The following ZRANB3 variants were observed in gnomAD, a reference collection of about 807,000 sequenced individuals.
The protein encoded by ZRANB3 is DNA annealing helicase and endonuclease ZRANB3.
In ZRANB3, 125 loss-of-function variants were observed where a neutral mutation model predicts 133.8. The ratio of observed to expected loss-of-function variants is 0.93; its 90% CI spans 0.81 to 1.08. The LOEUF (loss-of-function observed/expected upper bound fraction) is 1.08. Among genes scored for constraint, ZRANB3 ranks in the 50% least tolerant of loss-of-function variants. The probability of loss-of-function intolerance (pLI) is 0.00; values close to 1 mark genes in which losing one functional copy is unlikely to be tolerated. For missense variants in ZRANB3, 1,229 were observed against 1,275.5 expected, an observed-to-expected ratio of 0.96 and a Z score of 0.56; for synonymous variants, 387 against 432.7, an observed-to-expected ratio of 0.89 and a Z score of 1.31.
chr2:135,515,988 A>G (rs1036437513), intron 1 of ZRANB3, among the ~76,000 whole-genome samples: 17 of 152,280 alleles, frequency 1.1e-4, no homozygotes, highest in African/African-American at 3.4e-4. Context: ...TATATTTAAA[A>G]CAGTTAGCTC....
At chr2:135,310,110 T>C (rs1302461362) in intron 8 of ZRANB3, among the ~76,000 whole-genome samples, 1 of 152,176 alleles carries the variant, frequency 6.6e-6, no homozygotes, top group African/African-American at 2.4e-5. Flanking sequence ...CTAATTTTTG[T>C]ATTTTTAGTA....
At chr2:135,511,708 T>C (rs1693463074) in intron 1 of ZRANB3, 6 of 766,134 alleles carry the variant, frequency 7.8e-6, no homozygotes, top group Admixed American at 1.7e-5. Flanking sequence ...AGCATCAACA[T>C]GGAGAATCTT....
Position 135,472,559 on chromosome 2 carries a change from C to T in ZRANB3, c.161+31770G>A, listed in dbSNP as rs377580980. On this transcript the variant is annotated intron_variant, in intron 2 of 20. Transcript: ENST00000264159. ...ACAAGCTTGGGATTATTTTGGGATG[C>T]TTGCATTGTCACTATTTGACTTTTT... is the stretch of plus-strand genomic sequence containing the variant. Among the ~76,000 whole-genome samples, 8 of 150,784 alleles carry T rather than the reference C, an allele frequency of 5.3e-5. No individual in the cohort carries two copies. In the South Asian group the frequency reaches 1.7e-3, roughly 32 times the overall value.
intron 2 of ZRANB3, among the ~76,000 whole-genome samples, chr2:135,489,490 A>C (rs1474744553): frequency 6.6e-6 from 1 of 152,044 alleles, no homozygotes; most frequent in Admixed American, 6.5e-5. Flanking sequence ...AAAGAAAATT[A>C]GTCAAATATG....
chr2:135,343,414 T>C (rs1684785469), intron 6 of ZRANB3, among the ~76,000 whole-genome samples: 1 of 149,892 alleles, frequency 6.7e-6, no homozygotes, highest in Non-Finnish European at 1.5e-5. Flanking sequence ...TCTATTAATA[T>C]TGAGGATTTC....
intron 12 of ZRANB3, among the ~76,000 whole-genome samples, chr2:135,258,930 C>T (rs1036348155): frequency 1.3e-5 from 2 of 152,110 alleles, no homozygotes; most frequent in African/African-American, 4.8e-5. Context: ...TTTGTATATA[C>T]GAGACATTTT....
intron 1 of ZRANB3, chr2:135,510,849 T>C: frequency 9.9e-7 from 1 of 1,010,828 alleles, no homozygotes; most frequent in Non-Finnish European, 1.6e-6. Flanking sequence ...CTCCACCACG[T>C]TCCCATAATT....
chr2:135,260,131 A>T (rs1429126721), intron 12 of ZRANB3, among the ~76,000 whole-genome samples: 1 of 152,220 alleles, frequency 6.6e-6, no homozygotes, highest in African/African-American at 2.4e-5. Flanking sequence ...TAGAAATAAC[A>T]TACACTAATA....
In ZRANB3 at chr2:135,421,873, T is replaced by C. The variant is rs918902617; in HGVS notation, c.162-31053A>G. Reference sequence around the variant, plus strand: ...TGTTCTCCTCCTTCTTGAATACTTTTATTTCTTTTTTTTTTCCTTTTTTTT... The same window carrying C: ...TGTTCTCCTCCTTCTTGAATACTTTCATTTCTTTTTTTTTTCCTTTTTTTT... On this transcript the variant is annotated intron_variant, in intron 2 of 20. Coordinates refer to ENST00000264159, the MANE Select transcript of ZRANB3 (RefSeq NM_032143.4). Among the ~76,000 whole-genome samples, 4 of 151,292 alleles carry C rather than the reference T, an allele frequency of 2.6e-5. No individual in the cohort carries two copies. In the East Asian group the frequency reaches 7.7e-4, roughly 29 times the overall value.
rs1426740073 is a variant in ZRANB3 at position 135,504,366 on chromosome 2, T to C, written c.124A>G (p.Lys42Glu). ...TTGAGGGCAAAAATGATGCCATCTT[T>C]CTGGAATGGAAGTAGCTTTGCTCTT... ...RLRAKLLPFQ[K>E]DGIIFALKRN... The change falls in exon 2 of 21, where the codon AAA becomes GAA. Residue 42 changes from lysine to glutamate, a missense_variant. Lys to Glu is a moderately conservative substitution (Grantham distance 56). Coordinates refer to ENST00000264159, the MANE Select transcript of ZRANB3 (RefSeq NM_032143.4). 2 of 1,613,660 alleles carry C rather than the reference T, an allele frequency of 1.2e-6. No homozygotes were observed. The highest frequency in any genetic ancestry group is 1.1e-5 in the South Asian group (1 of 91,054).
At chr2:135,256,628 C>T (rs555541306) in intron 12 of ZRANB3, among the ~76,000 whole-genome samples, 17 of 152,250 alleles carry the variant, frequency 1.1e-4, no homozygotes, top group Non-Finnish European at 2.1e-4. Context: ...AGGCCCAGTG[C>T]ATGTATCCTT....
At chr2:135,465,483 A>G (rs941652445) in intron 2 of ZRANB3, among the ~76,000 whole-genome samples, 4 of 152,252 alleles carry the variant, frequency 2.6e-5, no homozygotes, top group African/African-American at 9.6e-5. Context: ...AATGAAATCT[A>G]TATCCAAAAG....
intron 2 of ZRANB3, among the ~76,000 whole-genome samples, chr2:135,456,980 C>A (rs966943505): frequency 6.6e-6 from 1 of 152,210 alleles, no homozygotes; most frequent in Non-Finnish European, 1.5e-5. Context: ...GAAATTCACT[C>A]TTTTAAAGCA....
chr2:135,391,162 G>C (rs1246133138), intron 2 of ZRANB3, among the ~76,000 whole-genome samples: 1 of 152,076 alleles, frequency 6.6e-6, no homozygotes, highest in Non-Finnish European at 1.5e-5. Context: ...CCCGGCCAAA[G>C]TGAACCATTT....
intron 6 of ZRANB3, among the ~76,000 whole-genome samples, chr2:135,339,888 T>C (rs1271571429): frequency 6.6e-6 from 1 of 152,138 alleles, no homozygotes; most frequent in Non-Finnish European, 1.5e-5. Context: ...TTTCCTTAAT[T>C]AGAAATTTTT....
In ZRANB3 at chr2:135,469,244, GAC is replaced by G. The variant is rs149939641; in HGVS notation, c.161+35083_161+35084del. On this transcript the variant is annotated intron_variant, in intron 2 of 20. Transcript: ENST00000264159. Reference sequence around the variant, plus strand: ...TGATACACACACCAACATGCATGCAGACACACACACACACACACACACACATA... The same window carrying G: ...TGATACACACACCAACATGCATGCAGACACACACACACACACACACACATA... 9.9e-3 allele frequency among the ~76,000 whole-genome samples: 1,466 copies of G among 147,572 alleles called. 18 individuals are homozygous for G. The highest frequency in any genetic ancestry group is 0.028 in the African/African-American group (1,141 of 40,666).
At chr2:135,403,228 A>C (rs1332120432) in intron 2 of ZRANB3, among the ~76,000 whole-genome samples, 1 of 152,144 alleles carries the variant, frequency 6.6e-6, no homozygotes, top group Non-Finnish European at 1.5e-5. Context: ...GACAGATGGC[A>C]CCTGGAACAT....
chr2:135,458,064 T>C (rs1690604676), intron 2 of ZRANB3, among the ~76,000 whole-genome samples: 1 of 152,148 alleles, frequency 6.6e-6, no homozygotes, highest in Non-Finnish European at 1.5e-5. Context: ...TTTGAGTTAA[T>C]TTTTGTGAAT....
At chr2:135,239,827 T>C (rs980462511) in intron 12 of ZRANB3, among the ~76,000 whole-genome samples, 4 of 151,732 alleles carry the variant, frequency 2.6e-5, no homozygotes, top group African/African-American at 9.7e-5. Context: ...TCTCTACTAA[T>C]ACAAAAATTA....
Sources: gnomAD v4.1 joint callset for allele counts (sites outside exome capture counted in the v4.1 genomes callset) on GRCh38, gnomAD v4.1.1 for gene constraint, MANE v1.5 for transcripts, NCBI Gene and HGNC (gene_info 2026-07-23, HGNC 2026-07-21) for gene names.